UTRN: variants seen among roughly 807,000 people sequenced by gnomAD.
The protein encoded by UTRN is dystrophin-related protein 1.
A neutral mutation model predicts 463.9 loss-of-function variants in UTRN; 283 were observed. The observed-to-expected ratio is 0.61, with a 90% CI of 0.55 to 0.67. UTRN has a LOEUF of 0.67. UTRN is among the 30% of genes least tolerant of loss of function. The pLI, the probability that UTRN is intolerant of heterozygous loss-of-function variation, is 0.00. For synonymous variants in UTRN, 1,442 were observed against 1,431.5 expected (o/e 1.01, Z -0.17); for missense variants, 3,922 against 4,084.3 (o/e 0.96, Z 1.08).
chr6:144,470,487 C>T (rs1790461132), intron 23 of UTRN, among the ~76,000 whole-genome samples: 2 of 151,254 alleles, frequency 1.3e-5, no homozygotes, highest in African/African-American at 2.4e-5. Flanking sequence ...GGCAGAGACG[C>T]TCCCCACATC....
rs531268000 is a variant in UTRN, at chr6:144,838,391, G to A, written c.10066-782G>A. 3.3e-5 allele frequency among the ~76,000 whole-genome samples: 5 copies of A among 152,258 alleles called. No homozygotes were observed. The East Asian group carries it at 9.6e-4, about 29-fold the overall frequency. On this transcript the variant is annotated intron_variant, in intron 71 of 74. Transcript: ENST00000367545. ...GTAGATGGAAAATTCAACTCTAATA[G>A]TAAAAACTAGCAGAACTACCAGGCT...
rs369943310 is a variant in UTRN, at chr6:144,528,488, T to C, written c.5907-2564T>C. 9.2e-5 allele frequency among the ~76,000 whole-genome samples: 14 copies of C among 152,228 alleles called. No individual in the cohort carries two copies. The East Asian group carries it at 2.3e-3, about 25-fold the overall frequency. Reference sequence around the variant, plus strand: ...TGATTCTTTTGTCCCATGAAATGCTTCCTTGATGTAGTGCTCTCCTCCTTC... The same window carrying C: ...TGATTCTTTTGTCCCATGAAATGCTCCCTTGATGTAGTGCTCTCCTCCTTC... On this transcript the variant is annotated intron_variant, in intron 41 of 74. Transcript: ENST00000367545.
intron 2 of UTRN, among the ~76,000 whole-genome samples, chr6:144,399,099 C>T (rs1000004341): frequency 6.6e-6 from 1 of 152,092 alleles, no homozygotes; most frequent in Non-Finnish European, 1.5e-5. Flanking sequence ...TTGAAAGAAA[C>T]TCAGGGAGGT....
chr6:144,325,511 T>A (rs1775921387), intron 2 of UTRN, among the ~76,000 whole-genome samples: 1 of 152,226 alleles, frequency 6.6e-6, no homozygotes, highest in Non-Finnish European at 1.5e-5. Flanking sequence ...CTGTTCATTA[T>A]AAATTACCCA....
At chr6:144,723,574 A>G (rs1326685914) in intron 53 of UTRN, among the ~76,000 whole-genome samples, 1 of 152,204 alleles carries the variant, frequency 6.6e-6, no homozygotes, top group Non-Finnish European at 1.5e-5. Flanking sequence ...ACATTAACAC[A>G]GTACAAGCTC....
chr6:144,411,788 C>T (rs1224797898), intron 3 of UTRN, among the ~76,000 whole-genome samples: 1 of 152,114 alleles, frequency 6.6e-6, no homozygotes, highest in African/African-American at 2.4e-5. Flanking sequence ...TCTTGTCTTT[C>T]TCTCTTCCTC....
chr6:144,461,496 C>T (rs1442562177), intron 22 of UTRN, among the ~76,000 whole-genome samples, 154 bp downstream of exon 22: 1 of 152,100 alleles, frequency 6.6e-6, no homozygotes, highest in African/African-American at 2.4e-5. Flanking sequence ...GTTAGTTTGA[C>T]CTCACATAAA....
intron 51 of UTRN, among the ~76,000 whole-genome samples, chr6:144,664,021 A>C (rs1780142285): frequency 1.3e-5 from 2 of 152,244 alleles, no homozygotes; most frequent in African/African-American, 4.8e-5. Context: ...GGGAGGATAC[A>C]GACAAGGACA....
In UTRN at chr6:144,444,691, T is replaced by C. The variant is rs192925219; in HGVS notation, c.1614+309T>C. On this transcript the variant is annotated intron_variant, in intron 14 of 74. Transcript: ENST00000367545. ...GTGGATTTGTGTTGGGTGATGTATTTGAATTTGTATCAACACAATGCCTAG... is the reference window on the plus strand; with the variant it reads ...GTGGATTTGTGTTGGGTGATGTATTCGAATTTGTATCAACACAATGCCTAG... 7.2e-5 allele frequency among the ~76,000 whole-genome samples: 11 copies of C among 152,374 alleles called. No individual in the cohort carries two copies. The East Asian group carries it at 2.1e-3, about 29-fold the overall frequency.
Position 144,719,134 on chromosome 6 carries a change from T to C in UTRN, c.7810-11223T>C, listed in dbSNP as rs566356782. 9.2e-5 allele frequency among the ~76,000 whole-genome samples: 14 copies of C among 152,364 alleles called. No homozygotes were observed. In the South Asian group the frequency reaches 2.9e-3, roughly 32 times the overall value. On this transcript the variant is annotated intron_variant, in intron 53 of 74. Transcript: ENST00000367545. ...CTACTTTGTATGAAATGCTCCCATT[T>C]CTCAGGTGTTTTCCTTCCTTGATCC...
intron 74 of UTRN, among the ~76,000 whole-genome samples, chr6:144,848,816 G>C (rs929904159): frequency 1.3e-5 from 2 of 152,132 alleles, no homozygotes; most frequent in Admixed American, 6.5e-5. Context: ...AGGGGACTTT[G>C]AGCCATTTTT....
In UTRN at chr6:144,330,959, G is replaced by A. The variant is rs987821369; in HGVS notation, c.79+39052G>A. ...CTACATTTGGAGGACACGCTGAGCC[G>A]ACGAGAAATGGAAGTGAGATCTGAA... On this transcript the variant is annotated intron_variant, in intron 2 of 74. Coordinates refer to ENST00000367545, the MANE Select transcript of UTRN (RefSeq NM_007124.3). The A allele has an allele frequency of 2.2e-5, 22 of 985,214 alleles. No individual in the cohort carries two copies. In the South Asian group the frequency reaches 2.8e-4, roughly 13 times the overall value. 61.0% of individuals were successfully genotyped at this position (985,214 alleles called of 1,614,324 possible).
chr6:144,826,216 A>G (rs192169283), intron 66 of UTRN, among the ~76,000 whole-genome samples: 2 of 151,372 alleles, frequency 1.3e-5, no homozygotes, highest in African/African-American at 4.8e-5. Context: ...AGATCTGAAG[A>G]GTCTTAGTTT....
chr6:144,344,107 A>G (rs1191141145), intron 2 of UTRN: 1 of 1,160,008 alleles, frequency 8.6e-7, no homozygotes, highest in Non-Finnish European at 1.1e-6. Context: ...AAAAAAAAAA[A>G]AAACCCAAAA....
At chr6:144,325,700 C>A (rs1357369091) in intron 2 of UTRN, among the ~76,000 whole-genome samples, 2 of 152,070 alleles carry the variant, frequency 1.3e-5, no homozygotes, top group African/African-American at 2.4e-5. Flanking sequence ...CATTGTTGAG[C>A]CTCATTTTGA....
chr6:144,306,777 C>T (rs771667635), intron 2 of UTRN, among the ~76,000 whole-genome samples: 2 of 151,540 alleles, frequency 1.3e-5, no homozygotes, highest in South Asian at 2.1e-4. Flanking sequence ...TTCAAGAGGC[C>T]GGGTGTGGTG....
rs139555664 is a variant in UTRN at position 144,479,920 on chromosome 6, T to C, written c.3445T>C (p.Leu1149=). ...EWMTQAEEEY[L]ERDFEYKSPE... is the part of the protein sequence containing the mutation. ...GATGACCCAGGCCGAGGAAGAATAT[T>C]TGGAGCGGGATTTTGAGTACAAGTC... The change falls in exon 26 of 75, where the codon TTG becomes CTG. Residue 1149 remains leucine, a synonymous_variant. Coordinates refer to ENST00000367545, the MANE Select transcript of UTRN (RefSeq NM_007124.3). 4 of 1,613,864 alleles carry C rather than the reference T, an allele frequency of 2.5e-6. No individual in the cohort carries two copies. In the African/African-American group the frequency reaches 4.0e-5, roughly 16 times the overall value.
At chr6:144,441,750 T>C (rs1022625261) in intron 13 of UTRN, among the ~76,000 whole-genome samples, 2 of 152,220 alleles carry the variant, frequency 1.3e-5, no homozygotes, top group African/African-American at 4.8e-5. Context: ...GCCCCACCTC[T>C]GCAGCAAACT....
rs559569595 is a variant in UTRN at position 144,647,196 on chromosome 6, A to T, written c.7480-31210A>T. Among the ~76,000 whole-genome samples the T allele has an allele frequency of 2.0e-5, 3 of 152,322 alleles. No homozygotes were observed. The South Asian group carries it at 6.2e-4, about 32-fold the overall frequency. Reference sequence around the variant, plus strand: ...ATAATTCATTATTTGTCACTCAGGTAGGTTTCGAGTGAACTGATATATTTA... The same window carrying T: ...ATAATTCATTATTTGTCACTCAGGTTGGTTTCGAGTGAACTGATATATTTA... On this transcript the variant is annotated intron_variant, in intron 51 of 74. Coordinates refer to ENST00000367545, the MANE Select transcript of UTRN (RefSeq NM_007124.3).
Sources: gnomAD v4.1 joint callset for allele counts (sites outside exome capture counted in the v4.1 genomes callset) on GRCh38, gnomAD v4.1.1 for gene constraint, MANE v1.5 for transcripts, NCBI Gene and HGNC (gene_info 2026-07-23, HGNC 2026-07-21) for gene names.